The following KMO variants were observed in gnomAD, a reference collection of about 807,000 sequenced individuals.
The protein encoded by KMO is kynurenine 3-monooxygenase, also known as kynurenine 3-hydroxylase.
Under a neutral mutation model 57.8 loss-of-function variants are expected in KMO, and 24 were observed. The observed-to-expected ratio is 0.42, with a 90% CI of 0.30 to 0.58. KMO has a LOEUF of 0.58. Among genes scored for constraint, KMO ranks in the 20% least tolerant of loss-of-function variants. KMO has a pLI of 0.22. For missense variants in KMO, 483 were observed against 588.2 expected, an observed-to-expected ratio of 0.82 and a Z score of 1.85; for synonymous variants, 210 against 193.6, an observed-to-expected ratio of 1.08 and a Z score of -0.70.
Position 241,562,252 on chromosome 1 carries a change from A to G in KMO, c.535A>G (p.Lys179Glu). The G allele has an allele frequency of 6.2e-7, 1 of 1,614,176 alleles. No homozygotes were observed. Among genetic ancestry groups the G allele is most frequent in the Non-Finnish European group, 8.5e-7 (1 of 1,180,000 alleles). The change falls in exon 7 of 15, where the codon AAG (lysine) becomes GAG (glutamate). Residue 179 changes from lysine to glutamate, a missense_variant. Lys to Glu is a moderately conservative substitution (Grantham distance 56). Coordinates refer to ENST00000366559, the MANE Select transcript of KMO (RefSeq NM_003679.5). ...AYSTVRSHLMKKPRFDYSQQY... is the reference protein window; with the variant it reads ...AYSTVRSHLMEKPRFDYSQQY... ...TTCAACTGTCAGATCTCACCTGATG[A>G]AGAAACCTCGCTTTGATTACAGTCA... is the stretch of plus-strand genomic sequence containing the variant.
intron 5 of KMO, among the ~76,000 whole-genome samples, chr1:241,557,072 T>C (rs1434529810): frequency 6.6e-6 from 1 of 151,762 alleles, no homozygotes; most frequent in African/African-American, 2.4e-5. Flanking sequence ...TTCATGATAT[T>C]TGTAAGAGAA....
At chr1:241,546,239 C>A (rs551200585) in intron 1 of KMO, among the ~76,000 whole-genome samples, 46 of 152,176 alleles carry the variant, frequency 3.0e-4, no homozygotes, top group Non-Finnish European at 5.9e-5. Context: ...GCAAGGGGTG[C>A]GGGAGTGTCC....
At chr1:241,546,557 G>A (rs1455181454) in intron 1 of KMO, among the ~76,000 whole-genome samples, 1 of 152,182 alleles carries the variant, frequency 6.6e-6, no homozygotes, top group Non-Finnish European at 1.5e-5. Flanking sequence ...AAAATGAAAA[G>A]AGATGGGTAG....
intron 1 of KMO, among the ~76,000 whole-genome samples, chr1:241,534,649 C>T (rs1660692094): frequency 6.6e-6 from 1 of 152,234 alleles, no homozygotes; most frequent in Non-Finnish European, 1.5e-5. Context: ...GCCATTACAA[C>T]CATCCTGGCC....
rs940768245 is a variant in KMO at position 241,595,007 on chromosome 1, C to T, written c.*2854C>T. The stretch of plus-strand genomic sequence containing the variant: ...AGATTTTGAACATTAAGTTAGTCCA[C>T]AAATATTCAGTGGGCATCTACTAGG... On this transcript the variant is annotated 3_prime_UTR_variant, in exon 15 of 15. Transcript: ENST00000366559. 4.4e-6 allele frequency: 1 copy of T among 227,792 alleles called. No homozygotes were observed. Among genetic ancestry groups the T allele is most frequent in the Non-Finnish European group, 8.5e-6 (1 of 117,446 alleles). The allele number at this position is 227,792 out of a possible 1,614,324, so 14.1% of individuals were successfully genotyped here.
intron 4 of KMO, among the ~76,000 whole-genome samples, chr1:241,554,696 C>T (rs1453917907): frequency 2.6e-5 from 4 of 151,058 alleles, no homozygotes; most frequent in Non-Finnish European, 5.9e-5. Context: ...AGTGGCCGGG[C>T]GCTGTGGCTC....
rs1373398274 is a variant in KMO, at chr1:241,577,881, G to T, written c.958-8798G>T. ...ACACTGAAGTCTTTTCAGGGGAAAC[G>T]GTGGGAGCCACCTCTCCCCTTTTCC... On this transcript the variant is annotated intron_variant, in intron 10 of 14. Coordinates refer to ENST00000366559, the MANE Select transcript of KMO (RefSeq NM_003679.5). Among the ~76,000 whole-genome samples the T allele has an allele frequency of 3.3e-5, 5 of 152,258 alleles. 1 individual carries two copies. The highest frequency in any genetic ancestry group is 1.9e-4 in the East Asian group (1 of 5,180).
At chr1:241,579,254 G>T (rs867175856) in intron 10 of KMO, among the ~76,000 whole-genome samples, 1 of 152,078 alleles carries the variant, frequency 6.6e-6, no homozygotes, top group South Asian at 2.1e-4. Flanking sequence ...TGGTAGCAGT[G>T]GGATTTCTGC....
chr1:241,578,316 G>A (rs1662608463), intron 10 of KMO, among the ~76,000 whole-genome samples: 1 of 152,136 alleles, frequency 6.6e-6, no homozygotes, highest in South Asian at 2.1e-4. Flanking sequence ...ACATGACTCT[G>A]ATGAAATAAA....
intron 14 of KMO, 105 bp downstream of exon 14, chr1:241,590,368 A>C (rs1016214678): frequency 3.2e-6 from 3 of 933,444 alleles, no homozygotes; most frequent in Non-Finnish European, 3.4e-6. Context: ...TGGGACAGAC[A>C]CCAACTGTTT....
rs780783855 is a variant in KMO at position 241,594,063 on chromosome 1, G to A, written c.*1910G>A. The A allele has an allele frequency of 1.3e-5, 3 of 226,004 alleles. No individual in the cohort carries two copies. Among genetic ancestry groups the A allele is most frequent in the South Asian group, 7.5e-5 (1 of 13,282 alleles). 14.0% of individuals were successfully genotyped at this position (226,004 alleles called of 1,614,324 possible). ...TTCTAGCTACTTCACACATGTGTACGCGACAGTTATTTTTACAGTAAGGTA... is the reference window on the plus strand; with the variant it reads ...TTCTAGCTACTTCACACATGTGTACACGACAGTTATTTTTACAGTAAGGTA... On this transcript the variant is annotated 3_prime_UTR_variant, in exon 15 of 15. Coordinates refer to ENST00000366559, the MANE Select transcript of KMO (RefSeq NM_003679.5).
chr1:241,555,361 G>A (rs1661573765), intron 4 of KMO, among the ~76,000 whole-genome samples: 1 of 152,156 alleles, frequency 6.6e-6, no homozygotes, highest in African/African-American at 2.4e-5. Flanking sequence ...AGCTACAAGA[G>A]AAGGATTTGA....
At chr1:241,548,088 A>AACACACACACCCCACACAC (rs1553345841) in intron 1 of KMO, among the ~76,000 whole-genome samples, 2 of 148,848 alleles carry the variant, frequency 1.3e-5, no homozygotes, top group Non-Finnish European at 3.0e-5. Context: ...AAACAAACAA[A>AACACACACACCCCACACAC]ACACACACAC....
In KMO at chr1:241,590,015, C is replaced by A. The variant is rs758897263; in HGVS notation, c.1102C>A (p.Arg368=). ...DLSMYNYIEM[R]AHVNSSWFIF... ...TTTAAGACTGTCATTATTGCAGATG[C>A]GAGCACATGTCAACTCAAGCTGGTT... is the stretch of plus-strand genomic sequence containing the variant. The change falls in exon 13 of 15, where the codon CGA becomes AGA. Residue 368 remains arginine (R), a synonymous_variant. Coordinates refer to ENST00000366559, the MANE Select transcript of KMO (RefSeq NM_003679.5). The A allele has an allele frequency of 6.2e-7, 1 of 1,612,302 alleles. No homozygotes were observed. The highest frequency in any genetic ancestry group is 1.1e-5 in the South Asian group (1 of 91,016).
At chr1:241,550,918 A>T in intron 3 of KMO, 37 bp from the exon 4 acceptor site, 1 of 918,362 alleles carries the variant, frequency 1.1e-6, no homozygotes, top group Non-Finnish European at 1.7e-6. Flanking sequence ...ATGCCATGTT[A>T]CTGTCATTGA....
At chr1:241,555,862 G>T (rs1356792142) in intron 5 of KMO, 1 of 402,062 alleles carries the variant, frequency 2.5e-6, no homozygotes, top group African/African-American at 2.0e-5. Flanking sequence ...CTGAGGCCAG[G>T]ATCGCTTGAG....
chr1:241,563,471 A>C (rs1477864495), intron 7 of KMO, among the ~76,000 whole-genome samples: 1 of 152,154 alleles, frequency 6.6e-6, no homozygotes, highest in Admixed American at 6.5e-5. Context: ...TAAAATCCAT[A>C]TTTTCACATT....
rs781268742 is a variant in KMO at position 241,591,979 on chromosome 1, G to A, written c.1287G>A (p.Leu429=). 2.5e-6 allele frequency: 4 copies of A among 1,613,460 alleles called. No individual in the cohort carries two copies. Among genetic ancestry groups the A allele is most frequent in the South Asian group, 1.1e-5 (1 of 91,020 alleles). Residue 429 remains leucine, a synonymous_variant, in exon 15 of 15, where the codon TTG becomes TTA. Transcript: ENST00000366559. The part of the protein sequence containing the change: ...KKVINKGLFF[L]GSLIAISSTY... ...TGATAAACAAAGGACTCTTTTTCTTGGGATCACTGATAGCCATCAGCAGTA... is the reference window on the plus strand; with the variant it reads ...TGATAAACAAAGGACTCTTTTTCTTAGGATCACTGATAGCCATCAGCAGTA...
intron 10 of KMO, among the ~76,000 whole-genome samples, chr1:241,570,036 C>T (rs145541100): frequency 9.9e-5 from 15 of 152,048 alleles, no homozygotes; most frequent in African/African-American, 3.6e-4. Context: ...AATGCCGACT[C>T]AGATATTATC....
Sources: gnomAD v4.1 joint callset for allele counts (sites outside exome capture counted in the v4.1 genomes callset) on GRCh38, gnomAD v4.1.1 for gene constraint, MANE v1.5 for transcripts, NCBI Gene and HGNC (gene_info 2026-07-23, HGNC 2026-07-21) for gene names.